The following JPT2 variants were observed in gnomAD, a reference collection of about 807,000 sequenced individuals.
JPT2 encodes CRAMP_1 like.
Under a neutral mutation model 15.9 loss-of-function variants are expected in JPT2, and 9 were observed. The ratio of observed to expected loss-of-function variants is 0.57; its 90% confidence interval spans 0.34 to 0.99. The LOEUF is 0.99. JPT2 is among the 50% of genes least tolerant of loss of function. JPT2 has a pLI of 0.02. For missense variants in JPT2, 267 were observed against 252.1 expected (o/e 1.06, Z -0.40); for synonymous variants, 95 against 91.7 (o/e 1.04, Z -0.21).
chr16:1,680,119 G>A (rs925467831), intron 1 of JPT2, among the ~76,000 whole-genome samples: 4 of 152,180 alleles, frequency 2.6e-5, no homozygotes, highest in African/African-American at 9.7e-5. Flanking sequence ...CACCGATGTG[G>A]GACCAGGAGT....
chr16:1,699,250 G>C lies in JPT2; in HGVS notation c.*252G>C. On this transcript the variant is annotated 3_prime_UTR_variant, in exon 5 of 5. Coordinates refer to ENST00000248098, the MANE Select transcript of JPT2 (RefSeq NM_144570.3). ...CTCATGTGTAGTCCAGGTTTGAGAGGAACTGGAAGGGGGGTGAGGGTGGGG... is the reference window on the plus strand; with the variant it reads ...CTCATGTGTAGTCCAGGTTTGAGAGCAACTGGAAGGGGGGTGAGGGTGGGG... 1.8e-6 allele frequency: 1 copy of C among 562,256 alleles called. No homozygotes were observed. The highest frequency in any genetic ancestry group is 3.4e-6 in the Non-Finnish European group (1 of 297,022). 34.8% of individuals were successfully genotyped at this position (562,256 alleles called of 1,614,324 possible). A position where few individuals can be genotyped will look rare whatever the true frequency, so the allele number is the denominator to read the frequency against.
In JPT2 at chr16:1,700,853, C is replaced by G. The variant is rs1236440810; in HGVS notation, c.*1855C>G. 6.6e-6 allele frequency: 1 copy of G among 152,234 alleles called. No homozygotes were observed. Among genetic ancestry groups the G allele is most frequent in the African/African-American group, 2.4e-5 (1 of 41,460 alleles). 9.4% of individuals were successfully genotyped at this position (152,234 alleles called of 1,614,324 possible). On this transcript the variant is annotated 3_prime_UTR_variant, in exon 5 of 5. Coordinates refer to ENST00000248098, the MANE Select transcript of JPT2 (RefSeq NM_144570.3). ...ACTGGGCCCTGTGATTCTCCCAGCCCTTGCAGTCCGCTAGGTGAGAGGAAA... is the reference window on the plus strand; with the variant it reads ...ACTGGGCCCTGTGATTCTCCCAGCCGTTGCAGTCCGCTAGGTGAGAGGAAA...
chr16:1,693,122 T>C (rs1239331829), intron 3 of JPT2, among the ~76,000 whole-genome samples: 1 of 152,182 alleles, frequency 6.6e-6, no homozygotes, highest in Non-Finnish European at 1.5e-5. Flanking sequence ...TTCTTTGAAA[T>C]AGAGTCTCAT....
intron 3 of JPT2, among the ~76,000 whole-genome samples, chr16:1,692,995 C>T (rs1444489650): frequency 6.6e-6 from 1 of 152,238 alleles, no homozygotes; most frequent in African/African-American, 2.4e-5. Context: ...GATTGCCCTA[C>T]ATCTCTCTTG....
intron 1 of JPT2, 58 bp downstream of exon 1, chr16:1,678,414 G>A (rs1245894450): frequency 5.9e-6 from 7 of 1,182,180 alleles, no homozygotes; most frequent in Non-Finnish European, 6.3e-6. Context: ...GCGGGAGCGG[G>A]CCAGCCCAGG....
rs537443386 is a variant in JPT2 at position 1,697,929 on chromosome 16, C to T, written c.385+69C>T. ...TTTCTGGAAGAGTTGCTAGTCTCTC[C>T]TCTGGGAATGAAAAGGAGTCTTTCT... is the stretch of plus-strand genomic sequence containing the variant. On this transcript the variant is annotated intron_variant, in intron 4 of 4. Transcript: ENST00000248098. 1.5e-5 allele frequency: 21 copies of T among 1,412,008 alleles called. No homozygotes were observed. In the African/African-American group the frequency reaches 1.9e-4, roughly 12 times the overall value. The allele number at this position is 1,412,008 out of a possible 1,614,324, so 87.5% of individuals were successfully genotyped here. A position where few individuals can be genotyped will look rare whatever the true frequency, so the allele number is the denominator to read the frequency against.
At position 1,699,611 on chromosome 16, in the gene JPT2, T is replaced by G. The variant is rs1477703001; in HGVS notation, c.*613T>G. The stretch of plus-strand genomic sequence containing the variant: ...TTCATGGAAGATTGTTTTGGTGCCC[T>G]GACCCTCTGAAGTGCCCAGTTCCTG... On this transcript the variant is annotated 3_prime_UTR_variant, in exon 5 of 5. Transcript: ENST00000248098. The G allele has an allele frequency of 3.3e-6, 1 of 306,542 alleles. No homozygotes were observed. Among genetic ancestry groups the G allele is most frequent in the East Asian group, 8.1e-5 (1 of 12,382 alleles). The allele number at this position is 306,542 out of a possible 1,614,324, so 19.0% of individuals were successfully genotyped here.
intron 3 of JPT2, among the ~76,000 whole-genome samples, chr16:1,693,822 T>A (rs1297057912): frequency 6.6e-6 from 1 of 151,728 alleles, no homozygotes; most frequent in East Asian, 1.9e-4. Flanking sequence ...GCTAGGGTGG[T>A]GTCAGAGGAC....
At chr16:1,702,772 A>G (rs2037187502), downstream of JPT2, among the ~76,000 whole-genome samples, 2 of 152,234 alleles carry the variant, frequency 1.3e-5, 1 homozygote, top group South Asian at 4.1e-4. Flanking sequence ...GCTCATGAAG[A>G]TGAGAGGAAC....
rs576521998 is a variant in JPT2 at position 1,695,898 on chromosome 16, A to G, written c.337-1914A>G. 9.2e-5 allele frequency among the ~76,000 whole-genome samples: 14 copies of G among 152,254 alleles called. No individual in the cohort carries two copies. In the South Asian group the frequency reaches 1.7e-3, roughly 18 times the overall value. On this transcript the variant is annotated intron_variant, in intron 3 of 4. Transcript: ENST00000248098. Reference sequence around the variant, plus strand: ...ATAAGTAAATAAATAGGTCTTCATTAAAGTTATAAACTTCTGTGCATCAAA... The same window carrying G: ...ATAAGTAAATAAATAGGTCTTCATTGAAGTTATAAACTTCTGTGCATCAAA...
intron 1 of JPT2, among the ~76,000 whole-genome samples, chr16:1,682,546 T>A (rs1388710585): frequency 6.6e-6 from 1 of 150,866 alleles, no homozygotes; most frequent in East Asian, 2.0e-4. Flanking sequence ...GTGGCGGGCA[T>A]CTGTAATCCC....
intron 1 of JPT2, chr16:1,683,552 A>G: frequency 6.5e-7 from 1 of 1,535,220 alleles, no homozygotes; most frequent in South Asian, 1.2e-5. Flanking sequence ...CACCTCCCCC[A>G]GCCTCCTGAG....
downstream of JPT2, chr16:1,702,190 C>A (rs2037184336): frequency 2.2e-6 from 1 of 455,834 alleles, no homozygotes. Flanking sequence ...GAGTTCCTCT[C>A]TAGGAGGCTC....
chr16:1,693,069 C>A (rs1056008843), intron 3 of JPT2, among the ~76,000 whole-genome samples: 1 of 152,104 alleles, frequency 6.6e-6, no homozygotes, highest in Non-Finnish European at 1.5e-5. Context: ...ACCTGTTAGA[C>A]TCTGCTGAGG....
chr16:1,693,344 G>A (rs558776540), intron 3 of JPT2, among the ~76,000 whole-genome samples: 27 of 152,150 alleles, frequency 1.8e-4, no homozygotes, highest in Non-Finnish European at 3.7e-4. Flanking sequence ...TGATCCACCC[G>A]CTTCAGCCTC....
rs1325182035 is a variant in JPT2, at chr16:1,699,632, TC to T, written c.*636del. 2.8e-5 allele frequency: 8 copies of T among 281,166 alleles called. No individual in the cohort carries two copies. Among genetic ancestry groups the T allele is most frequent in the Non-Finnish European group, 5.6e-5 (8 of 142,066 alleles). The allele number at this position is 281,166 out of a possible 1,614,324, so 17.4% of individuals were successfully genotyped here. A position where few individuals can be genotyped will look rare whatever the true frequency, so the allele number is the denominator to read the frequency against. On this transcript the variant is annotated 3_prime_UTR_variant, in exon 5 of 5. Transcript: ENST00000248098. ...GCCCTGACCCTCTGAAGTGCCCAGT[TC>T]CTGCCATCTGAAACCTCGGCCTGAT...
At chr16:1,678,952 G>A (rs1290002679) in intron 1 of JPT2, among the ~76,000 whole-genome samples, 2 of 152,256 alleles carry the variant, frequency 1.3e-5, no homozygotes, top group Non-Finnish European at 2.9e-5. Context: ...CAGGGCGTCT[G>A]GGGAAGAGTC....
intron 2 of JPT2, among the ~76,000 whole-genome samples, chr16:1,690,927 C>A (rs1005179874): frequency 7.2e-5 from 11 of 152,208 alleles, no homozygotes; most frequent in Admixed American, 4.6e-4. Flanking sequence ...TGAGGGAGTT[C>A]TTTTATTATC....
intron 3 of JPT2, among the ~76,000 whole-genome samples, chr16:1,697,171 A>G (rs1271217083): frequency 1.3e-5 from 2 of 152,236 alleles, no homozygotes; most frequent in East Asian, 3.8e-4. Context: ...TGAAATTATT[A>G]TGGATGAAAT....
Sources: gnomAD v4.1 joint callset for allele counts (sites outside exome capture counted in the v4.1 genomes callset) on GRCh38, gnomAD v4.1.1 for gene constraint, MANE v1.5 for transcripts, NCBI Gene and HGNC (gene_info 2026-07-23, HGNC 2026-07-21) for gene names.